EXOC6: variants seen among roughly 807,000 people sequenced by gnomAD.
EXOC6 encodes exocyst complex component 6.
EXOC6 carries 60 observed loss-of-function variants against 112.5 expected under a neutral mutation model. The ratio of observed to expected loss-of-function variants is 0.53; its 90% confidence interval spans 0.43 to 0.66. The LOEUF (loss-of-function observed/expected upper bound fraction) is 0.66, where lower values mean the gene tolerates loss of function less well. Ranked by LOEUF, EXOC6 falls within the 30% of genes least tolerant of loss-of-function variation. The pLI is 0.00. For missense variants in EXOC6, 855 were observed against 957.1 expected, an observed-to-expected ratio of 0.89 and a Z score of 1.41; for synonymous variants, 295 against 308.0, an observed-to-expected ratio of 0.96 and a Z score of 0.44.
chr10:92,895,243 A>G (rs1159893518), intron 4 of EXOC6, among the ~76,000 whole-genome samples: 1 of 152,222 alleles, frequency 6.6e-6, no homozygotes, highest in Non-Finnish European at 1.5e-5. Context: ...TTCCTAGAAC[A>G]GCAACTTCTA....
chr10:92,923,404 T>C (rs1244912002), intron 8 of EXOC6, among the ~76,000 whole-genome samples: 1 of 152,354 alleles, frequency 6.6e-6, no homozygotes, highest in East Asian at 1.9e-4. Context: ...CAAACATTAT[T>C]ATTCCACAGT....
intron 1 of EXOC6, among the ~76,000 whole-genome samples, 176 bp downstream of exon 1, chr10:92,848,810 C>T (rs1286638374): frequency 1.3e-5 from 2 of 151,786 alleles, no homozygotes; most frequent in African/African-American, 2.4e-5. Flanking sequence ...CGGGCGGGAC[C>T]GAGAAGGCGG....
At chr10:93,030,927 C>A (rs1212502957) in intron 20 of EXOC6, among the ~76,000 whole-genome samples, 5 of 151,764 alleles carry the variant, frequency 3.3e-5, no homozygotes, top group Non-Finnish European at 7.4e-5. Flanking sequence ...TAATTTTTGC[C>A]AAAATAAGAA....
chr10:92,965,455 A>G (rs1412133425), intron 17 of EXOC6, among the ~76,000 whole-genome samples: 1 of 152,284 alleles, frequency 6.6e-6, no homozygotes, highest in East Asian at 1.9e-4. Context: ...CTTTGTTTAT[A>G]AACTGAATCC....
At chr10:93,010,696 CTCTT>C (rs1844197224) in intron 19 of EXOC6, among the ~76,000 whole-genome samples, 1 of 127,582 alleles carries the variant, frequency 7.8e-6, no homozygotes, top group African/African-American at 3.1e-5. Context: ...AAGACTCCAT[CTCTT>C]AAAAAAAAAA....
intron 9 of EXOC6, among the ~76,000 whole-genome samples, chr10:92,932,619 T>A (rs772921761): frequency 1.6e-4 from 25 of 152,132 alleles, no homozygotes; most frequent in South Asian, 4.1e-4. Flanking sequence ...GAGATAGACA[T>A]TTTCAGACAA....
chr10:93,038,040 CAAA>C (rs1156726278), intron 20 of EXOC6, among the ~76,000 whole-genome samples: 14 of 26,576 alleles, frequency 5.3e-4, no homozygotes, highest in African/African-American at 2.4e-3. Flanking sequence ...ACTCCGTCTC[CAAA>C]AAAAAAAAAA....
At chr10:92,865,629 T>G (rs1021715790) in intron 1 of EXOC6, among the ~76,000 whole-genome samples, 1 of 151,828 alleles carries the variant, frequency 6.6e-6, no homozygotes, top group African/African-American at 2.4e-5. Context: ...TTTTTTTTAG[T>G]AGAGACAGAG....
intron 8 of EXOC6, among the ~76,000 whole-genome samples, chr10:92,922,474 G>A (rs1851500050): frequency 6.6e-6 from 1 of 152,100 alleles, no homozygotes; most frequent in African/African-American, 2.4e-5. Flanking sequence ...ATGTTAAAGG[G>A]GTTATTATAA....
chr10:92,943,240 G>A (rs1222348159), intron 13 of EXOC6, among the ~76,000 whole-genome samples: 1 of 151,968 alleles, frequency 6.6e-6, no homozygotes, highest in Admixed American at 6.6e-5. Flanking sequence ...GGATGGTCTC[G>A]ATCTCCTGAC....
At chr10:93,046,758 C>T (rs79913238) in intron 20 of EXOC6, among the ~76,000 whole-genome samples, 8,049 of 152,006 alleles carry the variant, frequency 0.053, 354 homozygotes, top group East Asian at 0.13. Context: ...CCACCACGCC[C>T]GACTAATTTT....
chr10:92,878,887 T>C lies in EXOC6; in HGVS notation c.102-14462T>C, dbSNP rs191292670. Among the ~76,000 whole-genome samples the C allele has an allele frequency of 3.8e-3, 586 of 152,290 alleles. 4 individuals carry two copies. The highest frequency in any genetic ancestry group is 0.013 in the African/African-American group (539 of 41,540). On this transcript the variant is annotated intron_variant, in intron 1 of 21. Coordinates refer to ENST00000260762, the MANE Select transcript of EXOC6 (RefSeq NM_019053.6). ...TCATTTTTAATTTGTAATAAGAGCT[T>C]ATCACTTTTTTCCAAAGAAATCAAC... is the stretch of plus-strand genomic sequence containing the variant.
chr10:92,925,040 T>C (rs1851638027), intron 8 of EXOC6, among the ~76,000 whole-genome samples: 1 of 152,230 alleles, frequency 6.6e-6, no homozygotes, highest in African/African-American at 2.4e-5. Context: ...CTTGGTTGTA[T>C]TTAATTATTT....
intron 18 of EXOC6, among the ~76,000 whole-genome samples, chr10:92,976,299 A>C (rs545177510): frequency 6.6e-6 from 1 of 152,186 alleles, no homozygotes; most frequent in Non-Finnish European, 1.5e-5. Context: ...AGAGGTAGAC[A>C]TGAGAGACTT....
At chr10:93,054,159 T>C (rs1310628392) in intron 20 of EXOC6, among the ~76,000 whole-genome samples, 1 of 152,248 alleles carries the variant, frequency 6.6e-6, no homozygotes, top group Non-Finnish European at 1.5e-5. Flanking sequence ...TTCTTCCATG[T>C]TAACATCAAA....
chr10:92,867,145 A>G (rs928209909), intron 1 of EXOC6, among the ~76,000 whole-genome samples: 9 of 152,148 alleles, frequency 5.9e-5, no homozygotes, highest in African/African-American at 1.9e-4. Flanking sequence ...TCATTGGTCC[A>G]GATGTCAAAG....
chr10:92,827,341 G>A (rs1229272944), intron 1 of EXOC6, among the ~76,000 whole-genome samples: 2 of 151,630 alleles, frequency 1.3e-5, no homozygotes, highest in Non-Finnish European at 2.9e-5. Flanking sequence ...AGGCATGGTG[G>A]CATATTCCTG....
intron 11 of EXOC6, among the ~76,000 whole-genome samples, chr10:92,934,995 T>C (rs2133956889): frequency 6.6e-6 from 1 of 152,178 alleles, no homozygotes; most frequent in South Asian, 2.1e-4. Context: ...ACTTAGTCAG[T>C]GTAGGCCTTT....
At chr10:92,843,880 C>T (rs1016277358), upstream of EXOC6, among the ~76,000 whole-genome samples, 4 of 144,334 alleles carry the variant, frequency 2.8e-5, no homozygotes, top group Admixed American at 7.3e-5. Context: ...CCCAGTTACT[C>T]GGGAGAGAAC....
Sources: gnomAD v4.1 joint callset for allele counts (sites outside exome capture counted in the v4.1 genomes callset) on GRCh38, gnomAD v4.1.1 for gene constraint, MANE v1.5 for transcripts, NCBI Gene and HGNC (gene_info 2026-07-23, HGNC 2026-07-21) for gene names.